Variants in GRIK2 observed in about 807,000 individuals in gnomAD.
GRIK2 encodes the protein glutamate receptor ionotropic, kainate 2.
A neutral mutation model predicts 100.3 loss-of-function variants in GRIK2; 32 were observed. The ratio of observed to expected loss-of-function variants is 0.32; its 90% CI spans 0.24 to 0.43. GRIK2 has a LOEUF of 0.43. Among genes scored for constraint, GRIK2 ranks in the 20% least tolerant of loss-of-function variants. GRIK2 has a pLI of 1.00. For missense variants in GRIK2, 843 were observed against 1,114.9 expected, an observed-to-expected ratio of 0.76 and a Z score of 3.47; for synonymous variants, 417 against 389.4, an observed-to-expected ratio of 1.07 and a Z score of -0.83.
At chr6:101,714,221 A>G (rs958604224) in intron 7 of GRIK2, among the ~76,000 whole-genome samples, 5 of 151,696 alleles carry the variant, frequency 3.3e-5, no homozygotes, top group Non-Finnish European at 7.4e-5. Context: ...CCAAAAAGAC[A>G]TACTTCCAAA....
At chr6:101,760,350 T>C (rs1266159550) in intron 7 of GRIK2, among the ~76,000 whole-genome samples, 1 of 81,526 alleles carries the variant, frequency 1.2e-5, no homozygotes, top group Non-Finnish European at 2.0e-5. Flanking sequence ...TTATATATAA[T>C]TAATTATATT....
At chr6:102,037,193 C>A (rs1449563136) in intron 15 of GRIK2, among the ~76,000 whole-genome samples, 4 of 150,964 alleles carry the variant, frequency 2.6e-5, no homozygotes, top group Non-Finnish European at 4.4e-5. Context: ...AATAATTGTG[C>A]AGTCATTATT....
chr6:102,055,322 T>C lies in GRIK2; in HGVS notation c.2312-8T>C. 1 of 1,603,394 alleles carries C rather than the reference T, an allele frequency of 6.2e-7. No individual in the cohort carries two copies. The highest frequency in any genetic ancestry group is 8.5e-7 in the Non-Finnish European group (1 of 1,171,636). On this transcript the variant is annotated splice_region_variant and splice_polypyrimidine_tract_variant and intron_variant, in intron 15 of 16. Coordinates refer to ENST00000369134, the MANE Select transcript of GRIK2 (RefSeq NM_021956.5). ...TTGAAATACTTAACATAACCTCTCCTTTCTTAGGTTCTCCATATCGAGACA... is the reference window on the plus strand; with the variant it reads ...TTGAAATACTTAACATAACCTCTCCCTTCTTAGGTTCTCCATATCGAGACA...
intron 7 of GRIK2, among the ~76,000 whole-genome samples, chr6:101,751,698 A>T (rs1776798004): frequency 2.6e-5 from 4 of 152,148 alleles, no homozygotes; most frequent in Admixed American, 2.6e-4. Context: ...GATTTTGCTG[A>T]TTGCAACCCC....
intron 2 of GRIK2, among the ~76,000 whole-genome samples, chr6:101,470,386 C>G (rs1424914112): frequency 6.6e-6 from 1 of 152,124 alleles, no homozygotes; most frequent in Non-Finnish European, 1.5e-5. Context: ...TTATTGTGGC[C>G]TCTGTTGCTT....
intron 2 of GRIK2, among the ~76,000 whole-genome samples, chr6:101,532,474 C>A (rs1775488234): frequency 6.6e-6 from 1 of 150,868 alleles, no homozygotes; most frequent in Admixed American, 6.6e-5. Context: ...GCACCAGGTG[C>A]AGATAGCAAA....
intron 7 of GRIK2, among the ~76,000 whole-genome samples, chr6:101,788,464 G>T (rs1286917491): frequency 2.6e-5 from 4 of 151,884 alleles, no homozygotes; most frequent in Non-Finnish European, 4.4e-5. Context: ...GCAGTGTTTG[G>T]TTTTTTGTCC....
intron 14 of GRIK2, among the ~76,000 whole-genome samples, chr6:102,015,585 A>G (rs914310353): frequency 2.0e-5 from 3 of 152,056 alleles, no homozygotes; most frequent in African/African-American, 7.2e-5. Flanking sequence ...GCTGCGGCCA[A>G]CACCTGTACA....
intron 11 of GRIK2, among the ~76,000 whole-genome samples, chr6:101,878,070 GTATATTATATTATATTATAT>G (rs67537651): frequency 0.061 from 8,236 of 135,524 alleles, 416 homozygotes; most frequent in African/African-American, 0.13. Flanking sequence ...ATCGTGCCAG[GTATATTATATTATATTATAT>G]TATATTATAT....
intron 2 of GRIK2, among the ~76,000 whole-genome samples, chr6:101,473,125 C>CTTCT (rs1291667880): frequency 1.4e-5 from 2 of 144,030 alleles, no homozygotes; most frequent in African/African-American, 5.1e-5. Flanking sequence ...TCCTTCCTTC[C>CTTCT]TTCCTTCCTT....
chr6:101,397,895 T>G (rs961581978), intron 1 of GRIK2, among the ~76,000 whole-genome samples: 3 of 152,064 alleles, frequency 2.0e-5, no homozygotes, highest in African/African-American at 7.2e-5. Context: ...ATTATACAAG[T>G]TAGTTTTACT....
intron 15 of GRIK2, among the ~76,000 whole-genome samples, chr6:102,051,261 C>CCTTCCTTCT (rs1771173401): frequency 1.5e-5 from 1 of 65,182 alleles, no homozygotes; most frequent in East Asian, 4.8e-4. Flanking sequence ...CCCTTCCTTC[C>CCTTCCTTCT]TTCCTTCCTT....
At chr6:101,937,686 A>G (rs978404448) in intron 14 of GRIK2, among the ~76,000 whole-genome samples, 3 of 152,060 alleles carry the variant, frequency 2.0e-5, no homozygotes, top group Non-Finnish European at 4.4e-5. Context: ...ACATACAAAC[A>G]AAAAAACCCA....
intron 7 of GRIK2, among the ~76,000 whole-genome samples, chr6:101,721,740 C>T (rs2128365758): frequency 6.6e-6 from 1 of 152,014 alleles, no homozygotes; most frequent in East Asian, 1.9e-4. Context: ...CTGTTGTTTG[C>T]ATTTCATGCC....
intron 10 of GRIK2, among the ~76,000 whole-genome samples, chr6:101,843,500 A>C (rs1385155694): frequency 1.3e-5 from 2 of 152,140 alleles, no homozygotes; most frequent in Non-Finnish European, 2.9e-5. Flanking sequence ...CAGCTAAATA[A>C]TTTCTATCCC....
At chr6:101,862,114 T>A (rs1784766717) in intron 11 of GRIK2, among the ~76,000 whole-genome samples, 1 of 152,094 alleles carries the variant, frequency 6.6e-6, no homozygotes, top group African/African-American at 2.4e-5. Flanking sequence ...TGCAAAAGGG[T>A]CTGTTCAGAT....
At chr6:101,679,231 TA>T in intron 5 of GRIK2, among the ~76,000 whole-genome samples, 1 of 152,236 alleles carries the variant, frequency 6.6e-6, no homozygotes, top group South Asian at 2.1e-4. Context: ...TAAAATAAAG[TA>T]AAAATTGAAG....
intron 2 of GRIK2, among the ~76,000 whole-genome samples, chr6:101,617,449 ATGT>A (rs1366842496): frequency 6.6e-6 from 1 of 151,724 alleles, no homozygotes; most frequent in African/African-American, 2.4e-5. Flanking sequence ...CAGGTCTTCC[ATGT>A]TGTTATAAAT....
At chr6:101,965,262 T>A (rs1480812615) in intron 14 of GRIK2, among the ~76,000 whole-genome samples, 1 of 152,206 alleles carries the variant, frequency 6.6e-6, no homozygotes, top group Non-Finnish European at 1.5e-5. Context: ...CCTGTAAAAC[T>A]GGATAAAGTA....
Sources: allele counts gnomAD v4.1 joint callset (sites outside exome capture counted in the v4.1 genomes callset), GRCh38; gene constraint gnomAD v4.1.1; transcripts MANE v1.5; gene names NCBI Gene and HGNC (gene_info 2026-07-23, HGNC 2026-07-21).